The following RBFOX3 variants were observed in gnomAD, a reference collection of about 807,000 sequenced individuals.
RBFOX3 encodes the protein RNA binding fox-1 homolog 3, also known as RNA binding protein fox-1 homolog 3.
In RBFOX3, 17 loss-of-function variants were observed where a neutral mutation model predicts 48.7. The observed-to-expected ratio is 0.35, with a 90% CI of 0.24 to 0.52. The LOEUF (loss-of-function observed/expected upper bound fraction) is 0.52, where lower values mean the gene tolerates loss of function less well. RBFOX3 is among the 20% of genes least tolerant of loss of function. The pLI is 0.94. For synonymous variants in RBFOX3, 212 were observed against 209.5 expected, an observed-to-expected ratio of 1.01 and a Z score of -0.10; for missense variants, 382 against 497.5, an observed-to-expected ratio of 0.77 and a Z score of 2.21.
intron 1 of RBFOX3, chr17:79,515,874 G>C (rs2085180359): frequency 6.6e-6 from 1 of 152,306 alleles, no homozygotes; most frequent in Admixed American, 6.5e-5. Flanking sequence ...CTGCTGGGTG[G>C]ATTGGCTACA....
rs141724057 is a variant in RBFOX3 at position 79,426,334 on chromosome 17, C to A, written c.-175+56120G>T. 6.2e-3 allele frequency among the ~76,000 whole-genome samples: 950 copies of A among 152,288 alleles called. 7 individuals are homozygous for A. Among genetic ancestry groups the A allele is most frequent in the Middle Eastern group, 0.027 (8 of 294 alleles). On this transcript the variant is annotated intron_variant, in intron 2 of 14. Transcript: ENST00000693108. ...GGGAGAGGAGGTGTTCTCGTGAATG[C>A]GCCATGTCTTTCTTGCTCGAACAGT...
intron 1 of RBFOX3, among the ~76,000 whole-genome samples, chr17:79,555,910 G>A (rs1257396507): frequency 2.1e-5 from 3 of 144,584 alleles, no homozygotes; most frequent in African/African-American, 5.1e-5. Flanking sequence ...CAGCAATGGT[G>A]TTGGCAACAA....
intron 4 of RBFOX3, among the ~76,000 whole-genome samples, chr17:79,164,253 A>G (rs565494932): frequency 6.6e-6 from 1 of 152,314 alleles, no homozygotes; most frequent in South Asian, 2.1e-4. Flanking sequence ...AGAAAAGTGC[A>G]GCTGCTCTTC....
At chr17:79,177,036 T>C (rs2050711586) in intron 4 of RBFOX3, among the ~76,000 whole-genome samples, 1 of 151,956 alleles carries the variant, frequency 6.6e-6, no homozygotes, top group South Asian at 2.1e-4. Context: ...GTCCCCACTA[T>C]GCCCCCTGGG....
At chr17:79,264,965 AGGG>A (rs766941741) in intron 3 of RBFOX3, among the ~76,000 whole-genome samples, 1 of 132,924 alleles carries the variant, frequency 7.5e-6, no homozygotes, top group African/African-American at 2.8e-5. Context: ...GTGCGAGAGG[AGGG>A]GGGGGGGGCG....
intron 4 of RBFOX3, among the ~76,000 whole-genome samples, chr17:79,170,077 G>GAGGA (rs913716126): frequency 3.6e-4 from 54 of 148,008 alleles, no homozygotes; most frequent in African/African-American, 1.3e-3. Context: ...AAAGGAAACG[G>GAGGA]AGGAAGGAAG....
intron 4 of RBFOX3, among the ~76,000 whole-genome samples, chr17:79,132,310 C>T (rs1315276686): frequency 6.6e-6 from 1 of 152,096 alleles, no homozygotes; most frequent in East Asian, 1.9e-4. Flanking sequence ...CGTAGAAGAG[C>T]ACTGCACTTA....
chr17:79,513,546 T>C (rs2084814385), intron 1 of RBFOX3, among the ~76,000 whole-genome samples: 1 of 152,170 alleles, frequency 6.6e-6, no homozygotes, highest in African/African-American at 2.4e-5. Flanking sequence ...ATCCCCACAG[T>C]GGGGGCCTTT....
intron 3 of RBFOX3, among the ~76,000 whole-genome samples, chr17:79,295,900 G>A (rs558566377): frequency 7.9e-5 from 12 of 152,280 alleles, no homozygotes; most frequent in African/African-American, 2.4e-4. Flanking sequence ...ATGGGGAAGG[G>A]CGGTTATTTG....
chr17:79,147,563 G>C (rs4789871), intron 4 of RBFOX3, among the ~76,000 whole-genome samples: 8 of 151,904 alleles, frequency 5.3e-5, no homozygotes, highest in Middle Eastern at 3.4e-3. Flanking sequence ...GGAGGGGGGG[G>C]GCTCACCTTC....
chr17:79,423,520 G>A lies in RBFOX3; in HGVS notation c.-175+58934C>T, dbSNP rs753326117. Among the ~76,000 whole-genome samples, 3 of 151,976 alleles carry A rather than the reference G, an allele frequency of 2.0e-5. No individual in the cohort carries two copies. The highest frequency in any genetic ancestry group is 1.3e-4 in the Admixed American group (2 of 15,270). ...GAAGTCACATCCTGCCAGCGCTGCCGGTACCCAGCACCTGGGGTTCTCCGC... is the reference window on the plus strand; with the variant it reads ...GAAGTCACATCCTGCCAGCGCTGCCAGTACCCAGCACCTGGGGTTCTCCGC... On this transcript the variant is annotated intron_variant, in intron 2 of 14. Transcript: ENST00000693108. This position sits in a 1 kb window ranked among gnomAD's most constrained non-coding sequence, Gnocchi z 4.9.
At chr17:79,514,512 G>A (rs1284954711) in intron 1 of RBFOX3, among the ~76,000 whole-genome samples, 3 of 152,244 alleles carry the variant, frequency 2.0e-5, no homozygotes, top group African/African-American at 7.2e-5. Flanking sequence ...TCGTTGTTGT[G>A]ATCTTGACAA....
At chr17:79,656,891 A>AG in the RBFOX3 span, among the ~76,000 whole-genome samples, 1 of 138,680 alleles carries the variant, frequency 7.2e-6, no homozygotes, top group Non-Finnish European at 1.6e-5. Context: ...GAAGGAAGGA[A>AG]GGAGGGAAGG....
chr17:79,119,557 C>T (rs2707018), intron 4 of RBFOX3, among the ~76,000 whole-genome samples: 2 of 152,166 alleles, frequency 1.3e-5, no homozygotes, highest in African/African-American at 2.4e-5. Flanking sequence ...GCATCGGGGT[C>T]TAGACCCTGC....
intron 1 of RBFOX3, among the ~76,000 whole-genome samples, chr17:79,566,503 A>G (rs2092460570): frequency 6.6e-6 from 1 of 152,100 alleles, no homozygotes; most frequent in African/African-American, 2.4e-5. Context: ...GGGCCAGGGG[A>G]CGGGGGAAGA....
chr17:79,529,801 AG>A (rs2087421047), intron 1 of RBFOX3, among the ~76,000 whole-genome samples: 1 of 152,196 alleles, frequency 6.6e-6, no homozygotes, highest in African/African-American at 2.4e-5. Flanking sequence ...GCTCTAGAAG[AG>A]GGGCTGGCAA....
At chr17:79,647,985 G>A in the RBFOX3 span, among the ~76,000 whole-genome samples, 20 of 149,298 alleles carry the variant, frequency 1.3e-4, no homozygotes, top group African/African-American at 4.8e-4. Context: ...GTGCAGTGGT[G>A]GACACAGAGC....
At chr17:79,272,436 C>A (rs566372855) in intron 3 of RBFOX3, among the ~76,000 whole-genome samples, 1 of 152,204 alleles carries the variant, frequency 6.6e-6, no homozygotes, top group African/African-American at 2.4e-5. Context: ...TAACCATCAG[C>A]ATTTTCTCTC....
At chr17:79,175,426 A>G (rs1273628365) in intron 4 of RBFOX3, among the ~76,000 whole-genome samples, 1 of 152,158 alleles carries the variant, frequency 6.6e-6, no homozygotes, top group African/African-American at 2.4e-5. Flanking sequence ...CGGACCTATG[A>G]CCACTCCCAA....
Sources: allele counts gnomAD v4.1 joint callset (sites outside exome capture counted in the v4.1 genomes callset), GRCh38; gene constraint gnomAD v4.1.1; non-coding constraint Gnocchi (gnomAD v3.1); transcripts MANE v1.5; gene names NCBI Gene and HGNC (gene_info 2026-07-23, HGNC 2026-07-21).